CHUK: variants seen among roughly 807,000 people sequenced by gnomAD.
CHUK encodes the protein inhibitor of nuclear factor kappa-B kinase subunit alpha.
Under a neutral mutation model 104.8 loss-of-function variants are expected in CHUK, and 35 were observed. That is an observed-to-expected ratio of 0.33 (90% CI 0.26 to 0.44). The LOEUF is 0.44. Among genes scored for constraint, CHUK ranks in the 20% least tolerant of loss-of-function variants. The pLI, the probability that CHUK is intolerant of heterozygous loss-of-function variation, is 1.00. For missense variants in CHUK, 663 were observed against 902.7 expected (o/e 0.73, Z 3.40); for synonymous variants, 276 against 291.9 (o/e 0.95, Z 0.56).
intron 9 of CHUK, 74 bp from the exon 10 acceptor site, chr10:100,209,863 G>A: frequency 1.4e-6 from 1 of 699,252 alleles, no homozygotes; most frequent in Non-Finnish European, 2.5e-6. Context: ...GATACTAAAA[G>A]GTGAATATGG....
rs1845925105 is a variant in CHUK, at chr10:100,218,995, A to T, written c.689+13T>A. The T allele has an allele frequency of 6.2e-7, 1 of 1,614,088 alleles. No homozygotes were observed. Among genetic ancestry groups the T allele is most frequent in the Non-Finnish European group, 8.5e-7 (1 of 1,179,926 alleles). ...TCCCATTAAGCATGCCCAAGTTCTCATCCATTTCTTACCAGGTAAATGGCT... is the reference window on the plus strand; with the variant it reads ...TCCCATTAAGCATGCCCAAGTTCTCTTCCATTTCTTACCAGGTAAATGGCT... On this transcript the variant is annotated intron_variant, in intron 7 of 20. Coordinates refer to ENST00000370397, the MANE Select transcript of CHUK (RefSeq NM_001278.5).
intron 15 of CHUK, 121 bp from the exon 16 acceptor site, chr10:100,200,141 A>G (rs1442362282): frequency 5.0e-6 from 4 of 804,570 alleles, no homozygotes; most frequent in Non-Finnish European, 8.9e-6. Context: ...CATATTGCCA[A>G]CAAGTATTTC....
Position 100,193,967 on chromosome 10 carries a change from C to A in CHUK, c.1974+17G>T, listed in dbSNP as rs771756754. 7 of 1,601,162 alleles carry A rather than the reference C, an allele frequency of 4.4e-6. No homozygotes were observed. The Admixed American group carries it at 1.2e-4, about 27-fold the overall frequency. ...CAACTCAATGTCACATTAAATAATT[C>A]ATTAATAATTACTTACACAGGCAAT... is the stretch of plus-strand genomic sequence containing the variant. On this transcript the variant is annotated intron_variant, in intron 18 of 20. Coordinates refer to ENST00000370397, the MANE Select transcript of CHUK (RefSeq NM_001278.5).
At chr10:100,217,038 G>A (rs986017198) in intron 9 of CHUK, among the ~76,000 whole-genome samples, 2 of 151,390 alleles carry the variant, frequency 1.3e-5, no homozygotes, top group Non-Finnish European at 2.9e-5. Flanking sequence ...TTAAAGATAT[G>A]CCAGTGTAGG....
chr10:100,210,180 C>A (rs986841138), intron 9 of CHUK, among the ~76,000 whole-genome samples: 1 of 148,866 alleles, frequency 6.7e-6, no homozygotes, highest in Admixed American at 6.7e-5. Flanking sequence ...CTCCGCCTCC[C>A]GGGTTCACGC....
At chr10:100,204,108 T>G (rs1201339103) in intron 13 of CHUK, among the ~76,000 whole-genome samples, 1 of 152,162 alleles carries the variant, frequency 6.6e-6, no homozygotes, top group Admixed American at 6.5e-5. Context: ...ACCTAATCAC[T>G]TCCCAAAGGC....
At chr10:100,206,965 T>C (rs187467831) in intron 11 of CHUK, among the ~76,000 whole-genome samples, 25 of 152,316 alleles carry the variant, frequency 1.6e-4, no homozygotes, top group Non-Finnish European at 2.8e-4. Context: ...GTTCAACTAA[T>C]AGTGAAGTTT....
intron 20 of CHUK, 76 bp downstream of exon 20, chr10:100,190,789 CAGAT>C: frequency 1.2e-6 from 1 of 833,428 alleles, no homozygotes. Flanking sequence ...TCCCAAATGC[CAGAT>C]AAGGCTAGCA....
intron 5 of CHUK, among the ~76,000 whole-genome samples, chr10:100,220,291 T>C (rs1160115690): frequency 6.6e-6 from 1 of 151,842 alleles, no homozygotes. Flanking sequence ...CTAGATACTA[T>C]GATGGAAAAA....
chr10:100,207,774 A>C (rs1448140482), intron 10 of CHUK, among the ~76,000 whole-genome samples: 1 of 152,226 alleles, frequency 6.6e-6, no homozygotes. Context: ...GGTGGACAGA[A>C]TGGAGATTAA....
chr10:100,209,763 A>C lies in CHUK; in HGVS notation c.960T>G (p.Ser320=). The change falls in exon 10 of 21, where the codon TCT becomes TCG. Residue 320 remains serine, a synonymous_variant. Coordinates refer to ENST00000370397, the MANE Select transcript of CHUK (RefSeq NM_001278.5). ...GTAACAGAAAAGAAATTATCTTTGC[A>C]GAAGTCATATTTAGGATGTGTACTA... ...LKIVHILNMT[S]AKIISFLLPP... 1 of 1,491,554 alleles carries C rather than the reference A, an allele frequency of 6.7e-7. No homozygotes were observed. The highest frequency in any genetic ancestry group is 1.4e-5 in the African/African-American group (1 of 72,598). The allele number at this position is 1,491,554 out of a possible 1,614,324, so 92.4% of individuals were successfully genotyped here.
At chr10:100,207,881 G>A (rs937897686) in intron 10 of CHUK, among the ~76,000 whole-genome samples, 2 of 151,978 alleles carry the variant, frequency 1.3e-5, no homozygotes, top group African/African-American at 4.8e-5. Context: ...CACTGTAATT[G>A]AGCATCAAGT....
intron 1 of CHUK, among the ~76,000 whole-genome samples, chr10:100,228,835 ACC>A (rs1846162429): frequency 6.6e-6 from 1 of 152,024 alleles, no homozygotes; most frequent in African/African-American, 2.4e-5. Flanking sequence ...CATGCTCTGC[ACC>A]AACTCACCCT....
chr10:100,197,597 A>T (rs979381071), intron 16 of CHUK, among the ~76,000 whole-genome samples: 3 of 152,194 alleles, frequency 2.0e-5, no homozygotes, highest in African/African-American at 7.2e-5. Context: ...AAACAAACAA[A>T]AAAACCTATA....
chr10:100,228,991 G>GCACACA (rs576139683), intron 1 of CHUK, among the ~76,000 whole-genome samples: 15,928 of 114,154 alleles, frequency 0.14, 1,128 homozygotes, highest in Non-Finnish European at 0.19. Flanking sequence ...GCGCGCGCGC[G>GCACACA]CGCACACACA....
intron 9 of CHUK, 130 bp downstream of exon 9, chr10:100,217,863 TGA>T (rs933184034): frequency 5.0e-5 from 49 of 988,542 alleles, no homozygotes; most frequent in Non-Finnish European, 6.9e-5. Flanking sequence ...GGTGACAGAG[TGA>T]GACCCTGTCT....
rs758673908 is a variant in CHUK at position 100,229,537 on chromosome 10, C to A, written c.-5G>T. 5.8e-5 allele frequency: 89 copies of A among 1,528,292 alleles called. No individual in the cohort carries two copies. Among genetic ancestry groups the A allele is most frequent in the Middle Eastern group, 2.0e-4 (1 of 5,048 alleles). 94.7% of individuals were successfully genotyped at this position (1,528,292 alleles called of 1,614,324 possible). On this transcript the variant is annotated 5_prime_UTR_variant, in exon 1 of 21. Transcript: ENST00000370397. ...CAGCCCCGGGGGCCGCTCCATGGGG[C>A]GGGAGGGCAAGCGGCCTCAGGTTCC...
chr10:100,186,477 A>G (rs1845001585), downstream of CHUK: 1 of 156,260 alleles, frequency 6.4e-6, no homozygotes, highest in Admixed American at 6.5e-5. Context: ...TATTAGATAT[A>G]ACGGCATCAT....
intron 3 of CHUK, among the ~76,000 whole-genome samples, chr10:100,222,630 G>A (rs1181300530): frequency 6.6e-6 from 1 of 152,066 alleles, no homozygotes; most frequent in Non-Finnish European, 1.5e-5. Context: ...AATACTTTAG[G>A]TTTTGCAAGT....
Sources: allele counts gnomAD v4.1 joint callset (sites outside exome capture counted in the v4.1 genomes callset), GRCh38; gene constraint gnomAD v4.1.1; transcripts MANE v1.5; gene names NCBI Gene and HGNC (gene_info 2026-07-23, HGNC 2026-07-21).